The following ALPK3 variants were observed in gnomAD, a reference collection of about 807,000 sequenced individuals.
ALPK3 encodes the protein alpha kinase 3, also known as alpha-protein kinase 3.
Under a neutral mutation model 140.0 loss-of-function variants are expected in ALPK3, and 102 were observed. The observed-to-expected ratio is 0.73, with a 90% CI of 0.62 to 0.86. The LOEUF (loss-of-function observed/expected upper bound fraction) is 0.86, where lower values mean the gene tolerates loss of function less well. Ranked by LOEUF, ALPK3 falls within the 40% of genes least tolerant of loss-of-function variation. The pLI is 0.00. For missense variants in ALPK3, 2,254 were observed against 2,208.2 expected (o/e 1.02, Z -0.42); for synonymous variants, 938 against 898.5 (o/e 1.04, Z -0.79).
At chr15:84,834,869 G>A (rs965711677) in intron 3 of ALPK3, among the ~76,000 whole-genome samples, 1 of 152,248 alleles carries the variant, frequency 6.6e-6, no homozygotes, top group South Asian at 2.1e-4. Context: ...CTGCTTTTAT[G>A]CATTTTAGGA....
intron 6 of ALPK3, 46 bp downstream of exon 6, chr15:84,858,601 C>T: frequency 6.6e-7 from 1 of 1,520,854 alleles, no homozygotes; most frequent in Non-Finnish European, 8.7e-7. Context: ...GACAGGGCCA[C>T]AGAAAGCACA....
chr15:84,818,400 C>G (rs538128842), intron 1 of ALPK3, among the ~76,000 whole-genome samples: 2 of 152,224 alleles, frequency 1.3e-5, no homozygotes, highest in African/African-American at 4.8e-5. Flanking sequence ...CACAGGCACA[C>G]GTGGACAGGC....
intron 12 of ALPK3, among the ~76,000 whole-genome samples, chr15:84,866,045 G>A (rs1238494443): frequency 1.3e-5 from 2 of 152,176 alleles, no homozygotes; most frequent in Admixed American, 6.5e-5. Context: ...ACCCTGGTTA[G>A]GTCATTCAAT....
In ALPK3 at chr15:84,833,546, C is replaced by A. The variant is rs118113316; in HGVS notation, c.305-5434C>A. On this transcript the variant is annotated intron_variant, in intron 3 of 13. Coordinates refer to ENST00000258888, the MANE Select transcript of ALPK3 (RefSeq NM_020778.5). The stretch of plus-strand genomic sequence containing the variant: ...CTGGCCTCTCTGTGAGGCTGCTGTT[C>A]TGCTCTTGGCTTGTCTCCAGAGTGA... Among the ~76,000 whole-genome samples, 895 of 152,304 alleles carry A rather than the reference C, an allele frequency of 5.9e-3. 4 individuals carry two copies. Among genetic ancestry groups the A allele is most frequent in the Middle Eastern group, 0.01 (3 of 294 alleles).
In ALPK3 at chr15:84,840,782, T is replaced by A. The variant is rs1963654246; in HGVS notation, c.1503T>A (p.Ser501=). The part of the protein sequence containing the change: ...EATTDSKPIS[S]LSQAPECGAQ... ...CCACTGACAGCAAGCCCATTTCTTC[T>A]CTGAGTCAAGCTCCAGAATGCGGGG... Residue 501 remains serine, a synonymous_variant, in exon 5 of 14, where the codon TCT becomes TCA. Transcript: ENST00000258888. 1 of 1,614,096 alleles carries A rather than the reference T, an allele frequency of 6.2e-7. No individual in the cohort carries two copies. Among genetic ancestry groups the A allele is most frequent in the Non-Finnish European group, 8.5e-7 (1 of 1,180,042 alleles).
intron 4 of ALPK3, 146 bp downstream of exon 4, chr15:84,839,243 C>T: frequency 1.4e-6 from 1 of 708,848 alleles, no homozygotes; most frequent in Non-Finnish European, 2.3e-6. Flanking sequence ...GTGGTTGAAC[C>T]ACCTGGTGAA....
chr15:84,858,612 C>G lies in ALPK3; in HGVS notation c.3817+57C>G, dbSNP rs535698273. The G allele has an allele frequency of 9.3e-6, 14 of 1,497,424 alleles. No homozygotes were observed. The South Asian group carries it at 1.8e-4, about 19-fold the overall frequency. The allele number at this position is 1,497,424 out of a possible 1,614,324, so 92.8% of individuals were successfully genotyped here. A position where few individuals can be genotyped will look rare whatever the true frequency, so the allele number is the denominator to read the frequency against. The stretch of plus-strand genomic sequence containing the variant: ...ACAGGACAGGGCCACAGAAAGCACA[C>G]TGCTGCTGCTGCTAACAGCACTACC... On this transcript the variant is annotated intron_variant, in intron 6 of 13. Transcript: ENST00000258888.
Position 84,840,283 on chromosome 15 carries a change from C to T in ALPK3, c.1004C>T (p.Ala335Val). 6.2e-7 allele frequency: 1 copy of T among 1,613,916 alleles called. No homozygotes were observed. Among genetic ancestry groups the T allele is most frequent in the South Asian group, 1.1e-5 (1 of 91,090 alleles). Residue 335 changes from alanine (A) to valine (V), a missense_variant, in exon 5 of 14, where the codon GCA (alanine) becomes GTA (valine). Physicochemically the swap from Ala to Val is moderately conservative, Grantham distance 64. Transcript: ENST00000258888. ...CTGCGGAAGCCAGAGTTAGAGAAGG[C>T]AGCCCAAAGCCGCCGTTCTTCAGAA... ...QGLRKPELEK[A>V]AQSRRSSENC...
Position 84,858,006 on chromosome 15 carries a change from G to A in ALPK3, c.3268G>A (p.Glu1090Lys). 1 of 1,590,652 alleles carries A rather than the reference G, an allele frequency of 6.3e-7. No homozygotes were observed. Among genetic ancestry groups the A allele is most frequent in the Non-Finnish European group, 8.6e-7 (1 of 1,168,836 alleles). Residue 1090 changes from glutamate to lysine, a missense_variant, in exon 6 of 14, where the codon GAG becomes AAG. Glu to Lys is a moderately conservative substitution (Grantham distance 56). This residue lies in a region of ALPK3 where 2,088 missense variants were observed against 2,022.9 expected (regional missense o/e 1.03). Transcript: ENST00000258888. ...DPGLASEGAS[E>K]GEGEVSPEGP... The stretch of plus-strand genomic sequence containing the variant: ...TGGGCTGGCCTCAGAAGGAGCCAGT[G>A]AGGGTGAAGGAGAGGTTTCCCCTGA...
At chr15:84,867,439 T>C (rs1323611938) in intron 13 of ALPK3, 74 bp downstream of exon 13, 2 of 1,564,244 alleles carry the variant, frequency 1.3e-6, no homozygotes, top group East Asian at 4.5e-5. Flanking sequence ...CCCTTCTGGT[T>C]CTCCATCCCT....
Position 84,872,155 on chromosome 15 carries a change from T to C in ALPK3, c.*3699T>C, listed in dbSNP as rs12900463. On this transcript the variant is annotated 3_prime_UTR_variant, in exon 14 of 14. Transcript: ENST00000258888. ...TTATGGCTAGGCGGTCAGATAACACTACGAGGGGCAGCATGGCCACCAAGT... is the reference window on the plus strand; with the variant it reads ...TTATGGCTAGGCGGTCAGATAACACCACGAGGGGCAGCATGGCCACCAAGT... 26,006 of 152,276 alleles carry C rather than the reference T, an allele frequency of 0.17. 2,831 individuals carry two copies. The highest frequency in any genetic ancestry group is 0.28 in the Middle Eastern group (81 of 294). The allele number at this position is 152,276 out of a possible 1,614,324, so 9.4% of individuals were successfully genotyped here.
In ALPK3 at chr15:84,871,174, G is replaced by A. The variant is rs1330135765; in HGVS notation, c.*2718G>A. Reference sequence around the variant, plus strand: ...AGTCTACAGTCCATTTCTAGAACTGGTCATGAGAACTCATGTTTATGATGA... The same window carrying A: ...AGTCTACAGTCCATTTCTAGAACTGATCATGAGAACTCATGTTTATGATGA... On this transcript the variant is annotated 3_prime_UTR_variant, in exon 14 of 14. Coordinates refer to ENST00000258888, the MANE Select transcript of ALPK3 (RefSeq NM_020778.5). 1 of 152,618 alleles carries A rather than the reference G, an allele frequency of 6.6e-6. No individual in the cohort carries two copies. Among genetic ancestry groups the A allele is most frequent in the African/African-American group, 2.4e-5 (1 of 41,466 alleles). 9.5% of individuals were successfully genotyped at this position (152,618 alleles called of 1,614,324 possible). A position where few individuals can be genotyped will look rare whatever the true frequency, so the allele number is the denominator to read the frequency against.
At chr15:84,844,792 G>A (rs774670016) in intron 5 of ALPK3, among the ~76,000 whole-genome samples, 2 of 152,172 alleles carry the variant, frequency 1.3e-5, no homozygotes, top group Non-Finnish European at 2.9e-5. Context: ...GAGAGGTGGA[G>A]GTTGCAGTGA....
At chr15:84,839,605 G>A (rs1422673571) in intron 4 of ALPK3, 97 bp from the exon 5 acceptor site, 1 of 1,348,170 alleles carries the variant, frequency 7.4e-7, no homozygotes, top group African/African-American at 1.5e-5. Context: ...TGTAGGGAGG[G>A]GGAAGTGTGC....
intron 5 of ALPK3, among the ~76,000 whole-genome samples, chr15:84,844,219 C>A (rs1963702224): frequency 6.6e-6 from 1 of 151,748 alleles, no homozygotes. Context: ...CAGAGTGAGG[C>A]TCCATCTCAA....
chr15:84,845,178 T>A (rs1963714730), intron 5 of ALPK3, among the ~76,000 whole-genome samples: 1 of 151,986 alleles, frequency 6.6e-6, no homozygotes, highest in Admixed American at 6.6e-5. Context: ...GTCTTAATGC[T>A]GTTTGAAACC....
At chr15:84,854,781 T>C (rs1963841897) in intron 5 of ALPK3, among the ~76,000 whole-genome samples, 1 of 152,242 alleles carries the variant, frequency 6.6e-6, no homozygotes, top group Non-Finnish European at 1.5e-5. Context: ...GTTGTTTCTG[T>C]ATCGTCAGGG....
rs533763674 is a variant in ALPK3 at position 84,857,200 on chromosome 15, C to T, written c.2462C>T (p.Pro821Leu). Residue 821 changes from proline to leucine, a missense_variant, in exon 6 of 14, where the codon CCA (proline) becomes CTA (leucine). Physicochemically the swap from Pro to Leu is moderately conservative, Grantham distance 98 (BLOSUM62 -3). This residue lies in a region of ALPK3 where 2,088 missense variants were observed against 2,022.9 expected (regional missense o/e 1.03). Transcript: ENST00000258888. ...GTGGGAGGAGAGAGATGCCGAGGGC[C>T]ACAGTCATCAGGCCCAGTCGAGGCC... ...EQVGGERCRG[P>L]QSSGPVEAKQ... is the part of the protein sequence containing the mutation. 1.2e-6 allele frequency: 2 copies of T among 1,614,004 alleles called. No homozygotes were observed. The highest frequency in any genetic ancestry group is 2.2e-5 in the South Asian group (2 of 91,078).
At position 84,846,456 on chromosome 15, in the gene ALPK3, G is replaced by A. The variant is rs913743642; in HGVS notation, c.1653+5524G>A. 3.9e-5 allele frequency among the ~76,000 whole-genome samples: 6 copies of A among 152,320 alleles called. 1 individual carries two copies. The East Asian group carries it at 1.2e-3, about 29-fold the overall frequency. ...TGAATACTCTGGAAACAAATGGAAA[G>A]ATAGAAAGTCTCAGCAAAGAGGTAA... On this transcript the variant is annotated intron_variant, in intron 5 of 13. Coordinates refer to ENST00000258888, the MANE Select transcript of ALPK3 (RefSeq NM_020778.5).
Sources: gnomAD v4.1 joint callset for allele counts (sites outside exome capture counted in the v4.1 genomes callset) on GRCh38, gnomAD v4.1.1 for gene constraint, gnomAD v4.1.1 regional missense constraint, MANE v1.5 for transcripts, NCBI Gene and HGNC (gene_info 2026-07-23, HGNC 2026-07-21) for gene names.